Variants in PRH1 observed in about 807,000 individuals in gnomAD.
PRH1 encodes salivary acidic proline-rich phosphoprotein 1/2.
In PRH1, 7 loss-of-function variants were observed where a neutral mutation model predicts 7.9. The observed-to-expected ratio is 0.89, with a 90% CI of 0.50 to 1.67. The LOEUF (loss-of-function observed/expected upper bound fraction) is 1.67, where lower values mean the gene tolerates loss of function less well. PRH1 is among the 40% of genes most tolerant of loss of function. The probability of loss-of-function intolerance (pLI) is 0.00; values close to 1 mark genes in which losing one functional copy is unlikely to be tolerated. For missense variants in PRH1, 109 were observed against 223.6 expected (o/e 0.49, Z 3.27); for synonymous variants, 45 against 80.8 (o/e 0.56, Z 2.38).
intron 1 of PRH1, chr12:11,021,696 T>G: frequency 1.2e-6 from 2 of 1,611,242 alleles, no homozygotes; most frequent in South Asian, 2.2e-5. Flanking sequence ...GCCACAAAAC[T>G]GAAAGAAAGG....
At chr12:11,148,818 A>G (rs1268505081) in intron 1 of PRH1, among the ~76,000 whole-genome samples, 1 of 125,280 alleles carries the variant, frequency 8.0e-6, no homozygotes, top group Admixed American at 8.1e-5. Flanking sequence ...GTTAGGGAGG[A>G]TTCCCTCTTT....
chr12:11,111,067 T>A (rs1472357909), intron 1 of PRH1, among the ~76,000 whole-genome samples: 1 of 152,154 alleles, frequency 6.6e-6, no homozygotes, highest in African/African-American at 2.4e-5. Context: ...GAGAATTACA[T>A]AATGGTAAAG....
intron 1 of PRH1, among the ~76,000 whole-genome samples, chr12:10,992,592 T>A (rs4132154): frequency 0.23 from 34,586 of 152,018 alleles, 3,989 homozygotes; most frequent in Non-Finnish European, 0.24. Context: ...GTTTATTTTC[T>A]TTAACAAACA....
At chr12:10,928,749 A>G (rs1472400615) in intron 2 of PRH1, among the ~76,000 whole-genome samples, 1 of 152,212 alleles carries the variant, frequency 6.6e-6, no homozygotes, top group Non-Finnish European at 1.5e-5. Flanking sequence ...TGAAAAATTT[A>G]GCTAAATATA....
At chr12:11,036,772 T>C (rs1331290059) in intron 1 of PRH1, among the ~76,000 whole-genome samples, 1 of 152,232 alleles carries the variant, frequency 6.6e-6, no homozygotes, top group Non-Finnish European at 1.5e-5. Context: ...ATTACTTATT[T>C]TCCAAATTAT....
chr12:11,149,314 C>A (rs1311688039), intron 1 of PRH1, among the ~76,000 whole-genome samples: 1 of 152,092 alleles, frequency 6.6e-6, no homozygotes, highest in Non-Finnish European at 1.5e-5. Context: ...TTAGTTATTT[C>A]TTGCCTTCTG....
At chr12:11,162,343 G>T (rs540745019) in intron 1 of PRH1, among the ~76,000 whole-genome samples, 6 of 152,280 alleles carry the variant, frequency 3.9e-5, no homozygotes, top group Middle Eastern at 3.4e-3. Flanking sequence ...AATGGGAGGA[G>T]TTTATTGTTG....
intron 1 of PRH1, among the ~76,000 whole-genome samples, chr12:11,020,821 T>C (rs78486303): frequency 0.043 from 6,604 of 152,040 alleles, 91 homozygotes; most frequent in South Asian, 0.12. Context: ...AAGGAGAAAA[T>C]TGGAAATTCA....
intron 1 of PRH1, among the ~76,000 whole-genome samples, chr12:11,075,490 T>C (rs1944254359): frequency 8.9e-6 from 1 of 112,446 alleles, no homozygotes; most frequent in Admixed American, 9.1e-5. Flanking sequence ...AAAACAAGAG[T>C]GTGTTTGGCA....
At chr12:11,038,917 T>C (rs1372280435) in intron 1 of PRH1, among the ~76,000 whole-genome samples, 9 of 152,252 alleles carry the variant, frequency 5.9e-5, no homozygotes, top group Non-Finnish European at 1.3e-4. Context: ...ATAAGTAATG[T>C]CAATTTCAAA....
At chr12:11,067,824 G>A (rs1248141937) in intron 1 of PRH1, among the ~76,000 whole-genome samples, 3 of 151,954 alleles carry the variant, frequency 2.0e-5, no homozygotes, top group African/African-American at 7.2e-5. Context: ...GATTCTGCTT[G>A]TGCACTCCAG....
chr12:10,915,808 G>C (rs143989194), intron 2 of PRH1, among the ~76,000 whole-genome samples: 110 of 152,206 alleles, frequency 7.2e-4, no homozygotes, highest in African/African-American at 2.4e-3. Context: ...TTTCTTCTTT[G>C]TCTGTCCTAT....
chr12:10,925,697 T>C (rs1041124989), intron 2 of PRH1, among the ~76,000 whole-genome samples: 2 of 152,224 alleles, frequency 1.3e-5, no homozygotes, highest in African/African-American at 4.8e-5. Context: ...ACCTCACCTG[T>C]TAAAGTCTTA....
chr12:11,135,816 T>C (rs1212892222), intron 1 of PRH1, among the ~76,000 whole-genome samples: 1 of 152,182 alleles, frequency 6.6e-6, no homozygotes, highest in African/African-American at 2.4e-5. Flanking sequence ...AGTTCTTACT[T>C]CAACTCTCTT....
chr12:11,155,111 C>T (rs1413315149), intron 1 of PRH1, among the ~76,000 whole-genome samples: 1 of 152,168 alleles, frequency 6.6e-6, no homozygotes, highest in Non-Finnish European at 1.5e-5. Context: ...TCAAACAGTT[C>T]TGCCAATCCC....
chr12:10,921,975 T>A (rs1406563929), intron 2 of PRH1, among the ~76,000 whole-genome samples: 1 of 152,136 alleles, frequency 6.6e-6, no homozygotes, highest in African/African-American at 2.4e-5. Flanking sequence ...CTCACCATAT[T>A]GCCCAGGCTT....
chr12:10,884,022 G>C, intron 1 of PRH1, 132 bp downstream of exon 1: 1 of 1,047,214 alleles, frequency 9.5e-7, no homozygotes, highest in Admixed American at 2.3e-5. Context: ...TAGATCTTCT[G>C]ATCCTCAGCA....
intron 1 of PRH1, among the ~76,000 whole-genome samples, chr12:11,100,179 A>G (rs1028604499): frequency 9.9e-5 from 15 of 152,156 alleles, no homozygotes; most frequent in African/African-American, 3.4e-4. Context: ...CCAAAACAAA[A>G]ATGGGAAATA....
chr12:11,139,455 T>A (rs190975593), intron 1 of PRH1, among the ~76,000 whole-genome samples: 104 of 152,348 alleles, frequency 6.8e-4, no homozygotes, highest in East Asian at 5.2e-3. Flanking sequence ...CAAATTACAA[T>A]GTATTAAAAA....
Sources: gnomAD v4.1 joint callset for allele counts (sites outside exome capture counted in the v4.1 genomes callset) on GRCh38, gnomAD v4.1.1 for gene constraint, MANE v1.5 for transcripts, NCBI Gene and HGNC (gene_info 2026-07-23, HGNC 2026-07-21) for gene names.